The following ZFPM2 variants were observed in gnomAD, a reference collection of about 807,000 sequenced individuals.
The protein encoded by ZFPM2 is zinc finger protein, FOG family member 2, also known as zinc finger protein ZFPM2.
ZFPM2 carries 20 observed loss-of-function variants against 98.6 expected under a neutral mutation model. The ratio of observed to expected loss-of-function variants is 0.20; its 90% CI spans 0.14 to 0.29. The LOEUF (loss-of-function observed/expected upper bound fraction) is 0.29. ZFPM2 is among the 10% of genes least tolerant of loss of function. ZFPM2 has a pLI of 1.00. For synonymous variants in ZFPM2, 518 were observed against 502.7 expected (o/e 1.03, Z -0.41); for missense variants, 1,310 against 1,388.6 (o/e 0.94, Z 0.90).
chr8:105,469,160 C>A (rs1228909202), intron 3 of ZFPM2, among the ~76,000 whole-genome samples: 3 of 152,184 alleles, frequency 2.0e-5, no homozygotes, highest in African/African-American at 7.2e-5. Context: ...TTCCTATTAT[C>A]TTTGCCCACT....
intron 1 of ZFPM2, among the ~76,000 whole-genome samples, chr8:105,365,058 T>A (rs1458622069): frequency 6.6e-6 from 1 of 152,188 alleles, no homozygotes; most frequent in Non-Finnish European, 1.5e-5. Flanking sequence ...CTCACTCTGA[T>A]AAGACCAGCT....
intron 1 of ZFPM2, among the ~76,000 whole-genome samples, chr8:105,348,287 G>C (rs1563614960): frequency 6.6e-6 from 1 of 152,150 alleles, no homozygotes; most frequent in Non-Finnish European, 1.5e-5. Flanking sequence ...TTTCTTTAAA[G>C]TCATTTGTAT....
intron 6 of ZFPM2, among the ~76,000 whole-genome samples, chr8:105,791,276 A>G (rs1345117871): frequency 1.3e-5 from 2 of 152,070 alleles, no homozygotes; most frequent in Non-Finnish European, 2.9e-5. Flanking sequence ...TCAATACCTA[A>G]TTTATTGAGA....
At chr8:105,601,977 A>G (rs1223392161) in intron 4 of ZFPM2, among the ~76,000 whole-genome samples, 1 of 152,050 alleles carries the variant, frequency 6.6e-6, no homozygotes, top group Non-Finnish European at 1.5e-5. Context: ...CGCCTTCAAC[A>G]TTTGTTATGG....
chr8:105,774,844 A>G (rs1451671480), intron 5 of ZFPM2, among the ~76,000 whole-genome samples: 2 of 152,092 alleles, frequency 1.3e-5, no homozygotes, highest in East Asian at 3.9e-4. Flanking sequence ...GGCTGTTTGA[A>G]CTTACTGATG....
intron 4 of ZFPM2, among the ~76,000 whole-genome samples, chr8:105,616,135 A>G (rs1264549602): frequency 6.6e-6 from 1 of 152,226 alleles, no homozygotes; most frequent in East Asian, 1.9e-4. Context: ...GGGAAGTAGC[A>G]TAATTAGAAA....
At chr8:105,358,967 A>G (rs1481193048) in intron 1 of ZFPM2, among the ~76,000 whole-genome samples, 1 of 152,092 alleles carries the variant, frequency 6.6e-6, no homozygotes, top group Non-Finnish European at 1.5e-5. Context: ...AGAAAAGAAA[A>G]AAGAGCTTGT....
chr8:105,330,571 T>TATATATATAC (rs1563606627), intron 1 of ZFPM2, among the ~76,000 whole-genome samples: 2 of 91,256 alleles, frequency 2.2e-5, no homozygotes, highest in Non-Finnish European at 4.5e-5. Context: ...TATATATACA[T>TATATATATAC]ATATATATAC....
intron 4 of ZFPM2, among the ~76,000 whole-genome samples, chr8:105,607,055 G>A (rs981582246): frequency 2.6e-5 from 4 of 152,124 alleles, no homozygotes; most frequent in Admixed American, 1.3e-4. Context: ...CACAGATTTC[G>A]TGCCTTTGAT....
intron 3 of ZFPM2, among the ~76,000 whole-genome samples, chr8:105,496,900 T>C (rs1813479545): frequency 7.0e-6 from 1 of 143,104 alleles, no homozygotes; most frequent in African/African-American, 2.6e-5. Flanking sequence ...GAGAATCACT[T>C]GAATCCGGGA....
chr8:105,390,062 T>C (rs1811078460), intron 1 of ZFPM2, among the ~76,000 whole-genome samples: 1 of 152,210 alleles, frequency 6.6e-6, no homozygotes, highest in Non-Finnish European at 1.5e-5. Context: ...ACTAGTCTCA[T>C]GTATTTTATC....
At chr8:105,579,233 C>T (rs1815534013) in intron 4 of ZFPM2, among the ~76,000 whole-genome samples, 1 of 152,028 alleles carries the variant, frequency 6.6e-6, no homozygotes, top group Non-Finnish European at 1.5e-5. Context: ...AAGAGGACAT[C>T]TTGATTTTAA....
chr8:105,681,880 C>T (rs1810613221), intron 5 of ZFPM2, among the ~76,000 whole-genome samples: 2 of 152,076 alleles, frequency 1.3e-5, no homozygotes, highest in Non-Finnish European at 2.9e-5. Context: ...TAGTGTCTGC[C>T]TTCCCCAGTG....
At chr8:105,405,598 A>G (rs1359611435) in intron 1 of ZFPM2, among the ~76,000 whole-genome samples, 4 of 152,016 alleles carry the variant, frequency 2.6e-5, no homozygotes, top group Non-Finnish European at 4.4e-5. Flanking sequence ...GTCCCTACAA[A>G]GGACATGAAC....
chr8:105,379,496 G>A (rs768526536), intron 1 of ZFPM2, among the ~76,000 whole-genome samples: 120 of 152,172 alleles, frequency 7.9e-4, no homozygotes, highest in Non-Finnish European at 1.4e-3. Context: ...GCTCACGCCT[G>A]TAATCCCAGC....
chr8:105,754,690 T>C (rs1335707518), intron 5 of ZFPM2, among the ~76,000 whole-genome samples: 1 of 152,096 alleles, frequency 6.6e-6, no homozygotes, highest in Non-Finnish European at 1.5e-5. Flanking sequence ...CCTTTTTTTT[T>C]TTTTCTATTG....
chr8:105,668,151 C>G (rs748842174), intron 5 of ZFPM2, among the ~76,000 whole-genome samples: 1 of 152,228 alleles, frequency 6.6e-6, no homozygotes, highest in African/African-American at 2.4e-5. Context: ...CTTCTCAGCT[C>G]CACGTACCTT....
At chr8:105,480,122 C>T (rs1813085990) in intron 3 of ZFPM2, among the ~76,000 whole-genome samples, 1 of 152,128 alleles carries the variant, frequency 6.6e-6, no homozygotes, top group African/African-American at 2.4e-5. Flanking sequence ...TTGCTTTTCT[C>T]ATAGGTAGCT....
At chr8:105,555,614 G>A (rs1224426201) in intron 3 of ZFPM2, among the ~76,000 whole-genome samples, 1 of 152,108 alleles carries the variant, frequency 6.6e-6, no homozygotes, top group Non-Finnish European at 1.5e-5. Flanking sequence ...AAAGAAATTT[G>A]TAGATTAAAA....
Sources: gnomAD v4.1 joint callset for allele counts (sites outside exome capture counted in the v4.1 genomes callset) on GRCh38, gnomAD v4.1.1 for gene constraint, MANE v1.5 for transcripts, NCBI Gene and HGNC (gene_info 2026-07-23, HGNC 2026-07-21) for gene names.